AMN1: variants seen among roughly 807,000 people sequenced by gnomAD.
AMN1 encodes the protein protein AMN1 homolog.
In AMN1, 20 loss-of-function variants were observed where a neutral mutation model predicts 33.0. The observed-to-expected ratio is 0.61, with a 90% CI of 0.43 to 0.88. The LOEUF (loss-of-function observed/expected upper bound fraction) is 0.88. Ranked by LOEUF, AMN1 falls within the 40% of genes least tolerant of loss-of-function variation. The pLI is 0.00. For missense variants in AMN1, 246 were observed against 307.4 expected, an observed-to-expected ratio of 0.80 and a Z score of 1.49; for synonymous variants, 114 against 111.9, an observed-to-expected ratio of 1.02 and a Z score of -0.12.
rs574299483 is a variant in AMN1, at chr12:31,723,222, A to C, written c.38+5749T>G. On this transcript the variant is annotated intron_variant, in intron 1 of 6. Coordinates refer to ENST00000281471, the MANE Select transcript of AMN1 (RefSeq NM_001113402.2). ...CTTTGACTGACACACACACAAACAC[A>C]CACGCACACACACACCACCCCTGGG... 7.2e-5 allele frequency among the ~76,000 whole-genome samples: 11 copies of C among 152,168 alleles called. No homozygotes were observed. In the South Asian group the frequency reaches 2.1e-3, roughly 29 times the overall value.
At chr12:31,688,604 T>A (rs1465618498) in intron 6 of AMN1, among the ~76,000 whole-genome samples, 1 of 151,984 alleles carries the variant, frequency 6.6e-6, no homozygotes, top group East Asian at 1.9e-4. Context: ...GCTCAGGAGT[T>A]AGAGACCAGC....
chr12:31,710,551 T>TACACACAC lies in AMN1; in HGVS notation c.39-1134_39-1127dup, dbSNP rs112841301. Among the ~76,000 whole-genome samples the TACACACAC allele has an allele frequency of 3.2e-3, 479 of 147,518 alleles. 7 individuals are homozygous for TACACACAC. Among genetic ancestry groups the TACACACAC allele is most frequent in the South Asian group, 0.02 (91 of 4,580 alleles). On this transcript the variant is annotated intron_variant, in intron 1 of 6. Coordinates refer to ENST00000281471, the MANE Select transcript of AMN1 (RefSeq NM_001113402.2). ...TCTTTCTTATTTTTCTCTGTTCTTG[T>TACACACAC]ACACACACACACACACACACACACA...
chr12:31,697,731 G>A lies in AMN1; in HGVS notation c.534+9C>T. 6.2e-7 allele frequency: 1 copy of A among 1,611,376 alleles called. No individual in the cohort carries two copies. Among genetic ancestry groups the A allele is most frequent in the Non-Finnish European group, 8.5e-7 (1 of 1,177,548 alleles). Reference sequence around the variant, plus strand: ...TAGTCTATATGTTTGTAGCCTATATGTCATTTACCTGAGTAGCTGAAAAGT... The same window carrying A: ...TAGTCTATATGTTTGTAGCCTATATATCATTTACCTGAGTAGCTGAAAAGT... On this transcript the variant is annotated intron_variant, in intron 4 of 6. Coordinates refer to ENST00000281471, the MANE Select transcript of AMN1 (RefSeq NM_001113402.2).
Position 31,720,415 on chromosome 12 carries a change from C to A in AMN1, c.38+8556G>T, listed in dbSNP as rs1038556224. ...ATTAGCCGGGTGTGGTGGCAGGTGC[C>A]TGTAATCCCAGCTACTTGGGAGGCT... On this transcript the variant is annotated intron_variant, in intron 1 of 6. Transcript: ENST00000281471. 3.3e-5 allele frequency among the ~76,000 whole-genome samples: 5 copies of A among 152,228 alleles called. No homozygotes were observed. In the East Asian group the frequency reaches 7.7e-4, roughly 24 times the overall value.
chr12:31,702,617 G>A (rs533364328), intron 2 of AMN1, among the ~76,000 whole-genome samples: 2 of 151,754 alleles, frequency 1.3e-5, no homozygotes, highest in Admixed American at 1.3e-4. Flanking sequence ...ATAAAATAAG[G>A]TATTATTATT....
At chr12:31,704,378 A>G (rs1427195501) in intron 2 of AMN1, among the ~76,000 whole-genome samples, 1 of 150,996 alleles carries the variant, frequency 6.6e-6, no homozygotes, top group Non-Finnish European at 1.5e-5. Flanking sequence ...CTGGTTTTTT[A>G]TTTGGTTGTT....
intron 1 of AMN1, among the ~76,000 whole-genome samples, chr12:31,720,338 C>A (rs974638366): frequency 6.6e-6 from 1 of 151,946 alleles, no homozygotes; most frequent in Non-Finnish European, 1.5e-5. Context: ...GTCAGGAGTT[C>A]GAGACCAGCC....
In AMN1 at chr12:31,683,417, C is replaced by T. The variant is rs892068039; in HGVS notation, c.703+5590G>A. The stretch of plus-strand genomic sequence containing the variant: ...AACTAGTTACTTTTCTCATGGAACA[C>T]CATTTTTACTTTTTAAAAGAATGAT... On this transcript the variant is annotated intron_variant, in intron 6 of 6. Coordinates refer to ENST00000281471, the MANE Select transcript of AMN1 (RefSeq NM_001113402.2). The surrounding 1 kb of genome is among the most constrained non-coding windows in gnomAD (Gnocchi z 4.1). Among the ~76,000 whole-genome samples, 1 of 152,148 alleles carries T rather than the reference C, an allele frequency of 6.6e-6. No individual in the cohort carries two copies. Among genetic ancestry groups the T allele is most frequent in the African/African-American group, 2.4e-5 (1 of 41,434 alleles).
intron 1 of AMN1, among the ~76,000 whole-genome samples, chr12:31,720,938 T>C (rs999356399): frequency 2.6e-5 from 4 of 152,210 alleles, no homozygotes; most frequent in Non-Finnish European, 4.4e-5. Context: ...AGAAGTCAAA[T>C]TGTAGCAGAA....
chr12:31,685,800 C>CAAAAAAA (rs10525163), intron 6 of AMN1, among the ~76,000 whole-genome samples: 103,840 of 120,516 alleles, frequency 0.86, 45,359 homozygotes, highest in Middle Eastern at 0.93. Flanking sequence ...GACTCATTAT[C>CAAAAAAA]AAAAAAAAAA....
chr12:31,679,360 C>G (rs1187945119), intron 6 of AMN1, among the ~76,000 whole-genome samples: 1 of 151,936 alleles, frequency 6.6e-6, no homozygotes, highest in Non-Finnish European at 1.5e-5. Flanking sequence ...AACCCTATCT[C>G]TACTAAAAAA....
intron 1 of AMN1, chr12:31,715,870 ACT>A (rs1939654251): frequency 6.6e-6 from 1 of 152,370 alleles, no homozygotes; most frequent in Non-Finnish European, 1.5e-5. Context: ...ACCTGACCAC[ACT>A]CTGAGCTGTT....
intron 3 of AMN1, among the ~76,000 whole-genome samples, chr12:31,698,589 TAA>T (rs1332843689): frequency 1.3e-5 from 2 of 152,118 alleles, no homozygotes; most frequent in African/African-American, 2.4e-5. Context: ...TGCACATAAA[TAA>T]AAGAGTACTT....
At chr12:31,677,716 C>T (rs1025525564) in intron 6 of AMN1, among the ~76,000 whole-genome samples, 3 of 152,174 alleles carry the variant, frequency 2.0e-5, no homozygotes, top group African/African-American at 4.8e-5. Context: ...TGACCTTCTC[C>T]TGCCCTCCTA....
chr12:31,713,907 T>A (rs373251419), intron 1 of AMN1, among the ~76,000 whole-genome samples: 189 of 152,252 alleles, frequency 1.2e-3, no homozygotes, highest in African/African-American at 4.4e-3. Context: ...ACTCGACTGG[T>A]TTACTCTATG....
rs192288998 is a variant in AMN1 at position 31,676,991 on chromosome 12, C to T, written c.704-4614G>A. On this transcript the variant is annotated intron_variant, in intron 6 of 6. Transcript: ENST00000281471. ...AGTATTTCATAATCTCTTGGCAGAA[C>T]ATTTTATAGAAACACATACTCTCTT... is the stretch of plus-strand genomic sequence containing the variant. Among the ~76,000 whole-genome samples the T allele has an allele frequency of 3.3e-3, 494 of 151,650 alleles. 3 individuals are homozygous for T. Among genetic ancestry groups the T allele is most frequent in the Non-Finnish European group, 5.4e-3 (366 of 67,976 alleles).
At chr12:31,714,317 G>A (rs1373572977) in intron 1 of AMN1, 1 of 152,044 alleles carries the variant, frequency 6.6e-6, no homozygotes, top group Non-Finnish European at 1.5e-5. Context: ...CCTTTAATCT[G>A]CCTTTAAAAT....
At chr12:31,680,122 CAA>C (rs199557679) in intron 6 of AMN1, among the ~76,000 whole-genome samples, 9 of 119,014 alleles carry the variant, frequency 7.6e-5, no homozygotes, top group Non-Finnish European at 3.6e-5. Flanking sequence ...AACTCCATCT[CAA>C]AAAAAAAAAA....
intron 6 of AMN1, among the ~76,000 whole-genome samples, chr12:31,677,206 A>C (rs1937759957): frequency 6.6e-6 from 1 of 152,214 alleles, no homozygotes; most frequent in Non-Finnish European, 1.5e-5. Flanking sequence ...AGGCTGAGGC[A>C]GGAGAATGGC....
Sources: gnomAD v4.1 joint callset for allele counts (sites outside exome capture counted in the v4.1 genomes callset) on GRCh38, gnomAD v4.1.1 for gene constraint, Gnocchi (gnomAD v3.1) non-coding constraint, MANE v1.5 for transcripts, NCBI Gene and HGNC (gene_info 2026-07-23, HGNC 2026-07-21) for gene names.